Variants in AFF3 observed in about 807,000 individuals in gnomAD.
AFF3 encodes the protein AF4/FMR2 family member 3.
Under a neutral mutation model 129.7 loss-of-function variants are expected in AFF3, and 32 were observed. The ratio of observed to expected loss-of-function variants is 0.25; its 90% confidence interval spans 0.19 to 0.33. The LOEUF is 0.33. Ranked by LOEUF, AFF3 falls within the 10% of genes least tolerant of loss-of-function variation. The pLI is 1.00. For synonymous variants in AFF3, 644 were observed against 635.4 expected, an observed-to-expected ratio of 1.01 and a Z score of -0.20; for missense variants, 1,373 against 1,592.0, an observed-to-expected ratio of 0.86 and a Z score of 2.34.
intron 13 of AFF3, among the ~76,000 whole-genome samples, chr2:99,609,154 T>C (rs550230850): frequency 7.9e-5 from 12 of 152,278 alleles, no homozygotes; most frequent in African/African-American, 2.6e-4. Flanking sequence ...GGCTACTCCA[T>C]AGACAGAGCA....
Position 100,007,248 on chromosome 2 carries a change from T to C in AFF3, c.387A>G (p.Thr129=), listed in dbSNP as rs150214170. 1,260 of 1,614,104 alleles carry C rather than the reference T, an allele frequency of 7.8e-4. No individual in the cohort carries two copies. Among genetic ancestry groups the C allele is most frequent in the Non-Finnish European group, 1.0e-3 (1,208 of 1,180,028 alleles). The change falls in exon 6 of 25, where the codon ACA becomes ACG. Residue 129 remains threonine, a synonymous_variant. Transcript: ENST00000672756. ...QNQPSSICST[T]TSTPAAVPVQ... is the part of the protein sequence containing the mutation. ...CGGGGACAGCTGCTGGTGTGGAAGT[T>C]GTAGTGCTACAGATAGACGAGGGCT...
intron 2 of AFF3, among the ~76,000 whole-genome samples, chr2:100,111,675 A>C (rs1431330466): frequency 6.6e-6 from 1 of 152,258 alleles, no homozygotes; most frequent in Admixed American, 6.5e-5. Flanking sequence ...TCTACCAATA[A>C]ACTAATTATC....
intron 4 of AFF3, among the ~76,000 whole-genome samples, chr2:100,021,770 G>A (rs1398664697): frequency 6.6e-6 from 1 of 152,058 alleles, no homozygotes; most frequent in Non-Finnish European, 1.5e-5. Context: ...GAAAAAAGTG[G>A]GGCTTAGAAA....
At chr2:99,638,955 G>A (rs1472679012) in intron 13 of AFF3, among the ~76,000 whole-genome samples, 2 of 152,140 alleles carry the variant, frequency 1.3e-5, no homozygotes, top group East Asian at 1.9e-4. Context: ...CTGCAGGCTC[G>A]TGGGAATTGT....
chr2:99,736,766 CG>C (rs1387779536), intron 10 of AFF3, among the ~76,000 whole-genome samples: 1 of 151,984 alleles, frequency 6.6e-6, no homozygotes, highest in Non-Finnish European at 1.5e-5. Context: ...TACGCCACCA[CG>C]CCCGGCTAAT....
intron 11 of AFF3, among the ~76,000 whole-genome samples, chr2:99,710,527 G>A (rs1028938273): frequency 2.0e-5 from 3 of 152,202 alleles, no homozygotes; most frequent in African/African-American, 7.2e-5. Flanking sequence ...TATTACAGGT[G>A]TGAGGCACTG....
At chr2:99,834,013 T>C (rs1049264025) in intron 8 of AFF3, among the ~76,000 whole-genome samples, 1 of 152,022 alleles carries the variant, frequency 6.6e-6, no homozygotes, top group Non-Finnish European at 1.5e-5. Flanking sequence ...TCAGCAAAAA[T>C]AAGGAGAGAG....
chr2:99,584,433 C>T (rs1677892452), intron 16 of AFF3, among the ~76,000 whole-genome samples: 1 of 152,208 alleles, frequency 6.6e-6, no homozygotes, highest in African/African-American at 2.4e-5. Flanking sequence ...TGCGCCACTG[C>T]ACTCCAGCAT....
chr2:99,992,102 T>C (rs1414576606), intron 7 of AFF3, among the ~76,000 whole-genome samples: 3 of 152,156 alleles, frequency 2.0e-5, no homozygotes, highest in Admixed American at 2.0e-4. Flanking sequence ...CCTTTAAATT[T>C]AAGCTTAAAC....
chr2:100,090,746 G>A (rs1228825463), intron 4 of AFF3, among the ~76,000 whole-genome samples: 1 of 152,118 alleles, frequency 6.6e-6, no homozygotes, highest in East Asian at 1.9e-4. Flanking sequence ...GTGCGATCTA[G>A]GCTCACTGCA....
chr2:99,833,834 G>C (rs556496180), intron 8 of AFF3, among the ~76,000 whole-genome samples: 21 of 152,150 alleles, frequency 1.4e-4, no homozygotes, highest in Non-Finnish European at 2.8e-4. Flanking sequence ...TTCTAGCCCT[G>C]ATCGCCCATC....
intron 11 of AFF3, among the ~76,000 whole-genome samples, chr2:99,686,408 T>C (rs1269030143): frequency 6.6e-6 from 1 of 152,220 alleles, no homozygotes; most frequent in Non-Finnish European, 1.5e-5. Context: ...TACTCCCATG[T>C]AGACTATTCC....
chr2:99,932,102 A>T (rs1448341084), intron 7 of AFF3, among the ~76,000 whole-genome samples: 2 of 152,252 alleles, frequency 1.3e-5, no homozygotes, highest in African/African-American at 4.8e-5. Flanking sequence ...GTATAGATCA[A>T]GCTTGTCCAA....
intron 3 of AFF3, chr2:100,104,934 G>A: frequency 6.3e-6 from 1 of 159,560 alleles, no homozygotes; most frequent in South Asian, 1.9e-4. Flanking sequence ...CGCCCCGCGC[G>A]CCCCTGTACT....
At chr2:99,799,219 A>T (rs1338173269) in intron 8 of AFF3, among the ~76,000 whole-genome samples, 1 of 152,030 alleles carries the variant, frequency 6.6e-6, no homozygotes, top group Admixed American at 6.6e-5. Flanking sequence ...AATTAAAGAG[A>T]TCTAAATCTC....
Position 100,138,467 on chromosome 2 carries a change from G to C in AFF3, c.-228+4017C>G, listed in dbSNP as rs1377673049. Among the ~76,000 whole-genome samples, 6 of 152,204 alleles carry C rather than the reference G, an allele frequency of 3.9e-5. No homozygotes were observed. In the East Asian group the frequency reaches 1.2e-3, roughly 29 times the overall value. ...TTTAAGTCAATCAGCCCCCAATATT[G>C]TTCTGCTAGATTGACATTTTGTTCA... On this transcript the variant is annotated intron_variant, in intron 1 of 24. Coordinates refer to ENST00000672756, the MANE Select transcript of AFF3 (RefSeq NM_001386135.1).
At chr2:100,119,478 G>A (rs72966498) in intron 2 of AFF3, among the ~76,000 whole-genome samples, 3 of 152,156 alleles carry the variant, frequency 2.0e-5, no homozygotes, top group Non-Finnish European at 4.4e-5. Context: ...CTTGACCCCA[G>A]AGTCAAAGCC....
At chr2:99,664,584 C>A (rs12615018) in intron 12 of AFF3, among the ~76,000 whole-genome samples, 22,729 of 152,082 alleles carry the variant, frequency 0.15, 2,133 homozygotes, top group South Asian at 0.26. Context: ...AGATATTGGG[C>A]CTTATATTTT....
At chr2:99,650,687 C>A (rs887633653) in intron 12 of AFF3, among the ~76,000 whole-genome samples, 2 of 152,038 alleles carry the variant, frequency 1.3e-5, no homozygotes, top group East Asian at 3.9e-4. Flanking sequence ...GAGCACAGGG[C>A]AGGTTCTTAT....
Sources: gnomAD v4.1 joint callset for allele counts (sites outside exome capture counted in the v4.1 genomes callset) on GRCh38, gnomAD v4.1.1 for gene constraint, MANE v1.5 for transcripts, NCBI Gene and HGNC (gene_info 2026-07-23, HGNC 2026-07-21) for gene names.